ARAP2: variants seen among roughly 807,000 people sequenced by gnomAD.
ARAP2 encodes ArfGAP with RhoGAP domain, ankyrin repeat and PH domain 2, also known as arf-GAP with Rho-GAP domain, ANK repeat and PH domain-containing protein 2.
A neutral mutation model predicts 194.5 loss-of-function variants in ARAP2; 148 were observed. That is an observed-to-expected ratio of 0.76 (90% CI 0.67 to 0.87). ARAP2 has a LOEUF of 0.87. Among genes scored for constraint, ARAP2 ranks in the 40% least tolerant of loss-of-function variants. ARAP2 has a pLI of 0.00. For missense variants in ARAP2, 2,128 were observed against 1,989.7 expected (o/e 1.07, Z -1.32); for synonymous variants, 695 against 683.5 (o/e 1.02, Z -0.26).
intron 15 of ARAP2, among the ~76,000 whole-genome samples, chr4:36,155,809 T>A (rs1191872129): frequency 1.3e-5 from 2 of 151,926 alleles, no homozygotes; most frequent in Admixed American, 1.3e-4. Flanking sequence ...AAAAATAAGG[T>A]TATATTCTGG....
At chr4:36,219,725 T>C (rs576577869) in intron 2 of ARAP2, among the ~76,000 whole-genome samples, 47 of 152,216 alleles carry the variant, frequency 3.1e-4, no homozygotes, top group African/African-American at 1.1e-3. Flanking sequence ...TAAAAATAAA[T>C]ATATACATAA....
At chr4:36,093,056 G>A (rs1056411062) in intron 27 of ARAP2, among the ~76,000 whole-genome samples, 1 of 152,068 alleles carries the variant, frequency 6.6e-6, no homozygotes, top group African/African-American at 2.4e-5. Context: ...TCCTTTGCAG[G>A]GACATGATGG....
chr4:36,069,531 A>G (rs946364616), intron 32 of ARAP2, among the ~76,000 whole-genome samples: 2 of 152,166 alleles, frequency 1.3e-5, no homozygotes, highest in African/African-American at 4.8e-5. Flanking sequence ...CAGGGTTTAT[A>G]AACAAACTTT....
rs36207295 is a variant in ARAP2, at chr4:36,161,146, AACACACACAC to A, written c.2259+309_2259+318del. Among the ~76,000 whole-genome samples the A allele has an allele frequency of 1.5e-3, 220 of 147,816 alleles. 1 individual carries two copies. The highest frequency in any genetic ancestry group is 4.4e-3 in the African/African-American group (178 of 40,444). On this transcript the variant is annotated intron_variant, in intron 12 of 32. Transcript: ENST00000303965. ...GTTGGGTTTAAAACACACACACACA[AACACACACAC>A]ACACACACACACACACACACACACA...
Position 36,228,992 on chromosome 4 carries a change from AG to A in ARAP2, c.494del (p.Ser165PhefsTer2), listed in dbSNP as rs1267041455. 1 of 1,614,160 alleles carries A rather than the reference AG, an allele frequency of 6.2e-7. No homozygotes were observed. The highest frequency in any genetic ancestry group is 1.1e-5 in the South Asian group (1 of 91,080). On this transcript the variant is annotated frameshift_variant, in exon 2 of 33. Coordinates refer to ENST00000303965, the MANE Select transcript of ARAP2 (RefSeq NM_015230.4). LOFTEE classifies it high-confidence loss of function. ...TAEEPHLNLG[S>X]LNDSLFGSDN... is the part of the protein sequence containing the mutation. Reference sequence around the variant, plus strand: ...CACTACCAAATAAAGAATCATTCAAAGAACCCAAATTCAGGTGTGGTTCCTC... The same window carrying A: ...CACTACCAAATAAAGAATCATTCAAAAACCCAAATTCAGGTGTGGTTCCTC...
intron 5 of ARAP2, among the ~76,000 whole-genome samples, chr4:36,024,990 C>T (rs968417580): frequency 6.6e-6 from 1 of 152,034 alleles, no homozygotes; most frequent in East Asian, 1.9e-4. Context: ...TAGTTTATAA[C>T]GAATCAGGTC....
chr4:36,116,559 A>T (rs1190276774), intron 25 of ARAP2, among the ~76,000 whole-genome samples: 2 of 151,924 alleles, frequency 1.3e-5, no homozygotes, highest in African/African-American at 4.8e-5. Flanking sequence ...GGAAGACTGG[A>T]TGCTAAAGTA....
Position 36,067,636 on chromosome 4 carries a change from A to G in ARAP2, c.*271T>C, listed in dbSNP as rs1488611889. 3 of 290,278 alleles carry G rather than the reference A, an allele frequency of 1.0e-5. No homozygotes were observed. The highest frequency in any genetic ancestry group is 1.9e-5 in the Non-Finnish European group (3 of 156,284). 18.0% of individuals were successfully genotyped at this position (290,278 alleles called of 1,614,324 possible). A position where few individuals can be genotyped will look rare whatever the true frequency, so the allele number is the denominator to read the frequency against. ...ACCACTTAACAGACAACTACTTTAA[A>G]AGGACTGACCACCTAAGTAACCCAA... On this transcript the variant is annotated 3_prime_UTR_variant, in exon 33 of 33. Transcript: ENST00000303965.
chr4:36,020,915 C>T lies in ARAP2; in HGVS notation n.608-1629G>A, dbSNP rs183126243. Among the ~76,000 whole-genome samples, 8 of 152,112 alleles carry T rather than the reference C, an allele frequency of 5.3e-5. No homozygotes were observed. The East Asian group carries it at 1.4e-3, about 26-fold the overall frequency. ...TAGTGAATGATTCAAGAACTTTTTA[C>T]AAGATGGTATATACAAAACTTAATT... On this transcript the variant is annotated intron_variant and non_coding_transcript_variant, in intron 5 of 12. Coordinates refer to the ARAP2 transcript ENST00000503225.
At chr4:36,121,369 G>T in intron 22 of ARAP2, 43 bp from the exon 23 acceptor site, 4 of 1,497,202 alleles carry the variant, frequency 2.7e-6, no homozygotes, top group Non-Finnish European at 1.8e-6. Context: ...ACTTTTATTT[G>T]GAAATTTCAT....
At chr4:36,078,273 G>A (rs1487599993) in intron 31 of ARAP2, among the ~76,000 whole-genome samples, 1 of 152,028 alleles carries the variant, frequency 6.6e-6, no homozygotes, top group Non-Finnish European at 1.5e-5. Flanking sequence ...GGAGAAGTAC[G>A]GGATGCTAAG....
chr4:36,196,745 G>A (rs936792092), intron 6 of ARAP2, among the ~76,000 whole-genome samples: 3 of 151,814 alleles, frequency 2.0e-5, no homozygotes, highest in Non-Finnish European at 2.9e-5. Flanking sequence ...CTGTGGTCAC[G>A]CATTCACCCA....
chr4:36,157,550 C>T (rs1257154317), intron 15 of ARAP2: 7 of 152,196 alleles, frequency 4.6e-5, no homozygotes, highest in Non-Finnish European at 8.8e-5. Context: ...CCAAAGTGCT[C>T]CTGTAACAAT....
intron 25 of ARAP2, 110 bp from the exon 26 acceptor site, chr4:36,114,397 T>A: frequency 1.4e-6 from 1 of 708,242 alleles, no homozygotes; most frequent in Non-Finnish European, 2.4e-6. Flanking sequence ...GAATTTATTT[T>A]GAGCATGGTT....
intron 6 of ARAP2, among the ~76,000 whole-genome samples, chr4:36,196,985 G>T (rs1052964380): frequency 6.6e-6 from 1 of 151,262 alleles, no homozygotes; most frequent in African/African-American, 2.4e-5. Context: ...GATCATTTAG[G>T]TCTCTTTGTT....
chr4:36,212,524 T>C, intron 4 of ARAP2, 37 bp from the exon 5 acceptor site: 3 of 1,500,434 alleles, frequency 2.0e-6, no homozygotes, highest in Non-Finnish European at 2.8e-6. Context: ...ACACATACTG[T>C]TTTGCTTTTT....
intron 16 of ARAP2, among the ~76,000 whole-genome samples, chr4:36,148,801 C>A (rs1179601346): frequency 6.6e-6 from 1 of 152,072 alleles, no homozygotes; most frequent in Non-Finnish European, 1.5e-5. Context: ...TCCTTGGTCT[C>A]CTCTTCCCTC....
At chr4:36,175,558 C>A (rs1468886731) in intron 9 of ARAP2, among the ~76,000 whole-genome samples, 3 of 151,948 alleles carry the variant, frequency 2.0e-5, no homozygotes, top group African/African-American at 7.3e-5. Flanking sequence ...AAGACCAAGT[C>A]CCTTAAGACC....
chr4:36,228,462 G>T, intron 2 of ARAP2, 120 bp downstream of exon 2: 1 of 1,021,638 alleles, frequency 9.8e-7, no homozygotes. Flanking sequence ...AGAAAAGGTT[G>T]GTTGAATAGG....
Sources: gnomAD v4.1 joint callset for allele counts (sites outside exome capture counted in the v4.1 genomes callset) on GRCh38, gnomAD v4.1.1 for gene constraint, MANE v1.5 for transcripts, NCBI Gene and HGNC (gene_info 2026-07-23, HGNC 2026-07-21) for gene names.